The following MYO16 variants were observed in gnomAD, a reference collection of about 807,000 sequenced individuals.
MYO16 encodes unconventional myosin-XVI.
A neutral mutation model predicts 205.3 loss-of-function variants in MYO16; 94 were observed. The ratio of observed to expected loss-of-function variants is 0.46; its 90% CI spans 0.39 to 0.54. The LOEUF (loss-of-function observed/expected upper bound fraction) is 0.54, where lower values mean the gene tolerates loss of function less well. Ranked by LOEUF, MYO16 falls within the 20% of genes least tolerant of loss-of-function variation. The pLI is 0.00. For missense variants in MYO16, 2,315 were observed against 2,387.5 expected (o/e 0.97, Z 0.63); for synonymous variants, 988 against 954.0 (o/e 1.04, Z -0.66).
At chr13:108,715,822 T>G (rs1290876622) in intron 3 of MYO16, among the ~76,000 whole-genome samples, 2 of 152,208 alleles carry the variant, frequency 1.3e-5, no homozygotes, top group East Asian at 3.9e-4. Context: ...CTGGTCCGGC[T>G]TAATAACCCA....
intron 6 of MYO16, among the ~76,000 whole-genome samples, chr13:108,802,942 G>A (rs983125206): frequency 6.6e-6 from 1 of 152,094 alleles, no homozygotes; most frequent in Non-Finnish European, 1.5e-5. Context: ...TTATTCAGCT[G>A]TTTGAGGGGC....
chr13:108,857,034 T>A (rs1303367540), intron 11 of MYO16, among the ~76,000 whole-genome samples: 1 of 152,196 alleles, frequency 6.6e-6, no homozygotes, highest in Non-Finnish European at 1.5e-5. Context: ...CTTCCTCACT[T>A]ATATCTAAAT....
chr13:108,814,838 G>A (rs1887400557), intron 7 of MYO16, among the ~76,000 whole-genome samples: 1 of 152,142 alleles, frequency 6.6e-6, no homozygotes, highest in Non-Finnish European at 1.5e-5. Flanking sequence ...AAAATGCTCA[G>A]CATGAATGAA....
intron 7 of MYO16, among the ~76,000 whole-genome samples, chr13:108,816,570 G>A (rs947789728): frequency 6.6e-6 from 1 of 152,208 alleles, no homozygotes; most frequent in African/African-American, 2.4e-5. Flanking sequence ...CCATAAGCAT[G>A]AGTTGCAAGA....
rs543358590 is a variant in MYO16, at chr13:108,869,446, C to T, written c.1425+3204C>T. The stretch of plus-strand genomic sequence containing the variant: ...ACAGTTTAAAAAATCTTACCTTGGC[C>T]GGGCGCGGTGGCTCACTCCTGTAAT... On this transcript the variant is annotated intron_variant, in intron 12 of 34. Coordinates refer to ENST00000457511, the MANE Select transcript of MYO16 (RefSeq NM_001198950.3). 6.6e-5 allele frequency among the ~76,000 whole-genome samples: 10 copies of T among 151,780 alleles called. No homozygotes were observed. The South Asian group carries it at 1.5e-3, about 22-fold the overall frequency.
intron 21 of MYO16, among the ~76,000 whole-genome samples, chr13:108,992,697 A>T (rs1192729665): frequency 6.6e-6 from 1 of 152,214 alleles, no homozygotes; most frequent in Non-Finnish European, 1.5e-5. Context: ...GATGAAGACC[A>T]GAGTTGTGCT....
the MYO16 span, among the ~76,000 whole-genome samples, chr13:108,555,595 G>T: frequency 6.6e-6 from 1 of 152,160 alleles, no homozygotes; most frequent in Non-Finnish European, 1.5e-5. Flanking sequence ...TTTTGTGTGT[G>T]TTGAGAACAC....
intron 12 of MYO16, among the ~76,000 whole-genome samples, chr13:108,881,874 A>G (rs1879634732): frequency 2.0e-5 from 3 of 152,248 alleles, no homozygotes; most frequent in Admixed American, 2.0e-4. Context: ...AACACTGTTC[A>G]GGATATTATC....
At chr13:108,503,358 A>T in the MYO16 span, among the ~76,000 whole-genome samples, 2 of 152,174 alleles carry the variant, frequency 1.3e-5, no homozygotes, top group African/African-American at 4.8e-5. Flanking sequence ...CCGACGATAT[A>T]TAGACCATAG....
intron 21 of MYO16, among the ~76,000 whole-genome samples, chr13:109,005,624 G>C (rs776002519): frequency 6.6e-6 from 1 of 151,996 alleles, no homozygotes; most frequent in Non-Finnish European, 1.5e-5. Flanking sequence ...TCCTACCTCT[G>C]CTTCAGTCAA....
chr13:108,548,326 G>T, the MYO16 span, among the ~76,000 whole-genome samples: 1 of 151,682 alleles, frequency 6.6e-6, no homozygotes, highest in Admixed American at 6.6e-5. Flanking sequence ...TTGTTGTTGT[G>T]GTGGTGGTGA....
At chr13:108,958,981 G>T (rs1883482247) in intron 17 of MYO16, among the ~76,000 whole-genome samples, 1 of 152,194 alleles carries the variant, frequency 6.6e-6, no homozygotes, top group Admixed American at 6.5e-5. Flanking sequence ...ATACATGGAT[G>T]GATTTGGGTC....
intron 16 of MYO16, among the ~76,000 whole-genome samples, chr13:108,943,695 C>T (rs977814992): frequency 1.1e-4 from 16 of 152,068 alleles, no homozygotes; most frequent in Non-Finnish European, 2.1e-4. Flanking sequence ...AAGTGATCCA[C>T]CTGCCTCGGC....
chr13:108,798,965 A>G (rs1886888352), intron 6 of MYO16, among the ~76,000 whole-genome samples: 1 of 146,226 alleles, frequency 6.8e-6, no homozygotes. Context: ...TCGGCCTCCC[A>G]AAGTGCTGGG....
At chr13:108,663,644 G>A (rs191960928) in intron 1 of MYO16, among the ~76,000 whole-genome samples, 22 of 152,220 alleles carry the variant, frequency 1.4e-4, no homozygotes, top group African/African-American at 5.1e-4. Flanking sequence ...CAGCCTGTGA[G>A]GGAAAACTCA....
At chr13:108,556,929 A>T in the MYO16 span, among the ~76,000 whole-genome samples, 2 of 152,130 alleles carry the variant, frequency 1.3e-5, no homozygotes, top group Non-Finnish European at 2.9e-5. Flanking sequence ...TTTGTCAATA[A>T]TCAATTGACT....
intron 27 of MYO16, among the ~76,000 whole-genome samples, chr13:109,060,671 T>A (rs1897272): frequency 0.15 from 22,273 of 152,162 alleles, 1,784 homozygotes; most frequent in South Asian, 0.2. Flanking sequence ...GAAATGGATG[T>A]GCTGTCATCC....
In MYO16 at chr13:108,637,320, T is replaced by C. The variant is rs77756566; in HGVS notation, c.28+7448T>C. Among the ~76,000 whole-genome samples, 95 of 152,326 alleles carry C rather than the reference T, an allele frequency of 6.2e-4. 1 individual carries two copies. Among genetic ancestry groups the C allele is most frequent in the African/African-American group, 2.1e-3 (89 of 41,578 alleles). ...CCTTACTTGGCATCTGTTGTTCTAC[T>C]TGGGTACCCTTCCTTTTAGGTTGTT... On this transcript the variant is annotated intron_variant, in intron 1 of 34. Coordinates refer to ENST00000457511, the MANE Select transcript of MYO16 (RefSeq NM_001198950.3).
chr13:108,853,573 TTG>T (rs1205729332), intron 10 of MYO16, among the ~76,000 whole-genome samples: 4 of 151,232 alleles, frequency 2.6e-5, no homozygotes, highest in Non-Finnish European at 5.9e-5. Flanking sequence ...TACAGGCTTG[TTG>T]TTGATATTTC....
Sources: gnomAD v4.1 joint callset for allele counts (sites outside exome capture counted in the v4.1 genomes callset) on GRCh38, gnomAD v4.1.1 for gene constraint, MANE v1.5 for transcripts, NCBI Gene and HGNC (gene_info 2026-07-23, HGNC 2026-07-21) for gene names.